Variants in EPS8L1 observed in about 807,000 individuals in gnomAD.
The protein encoded by EPS8L1 is EPS8 signaling adaptor L1, also known as epidermal growth factor receptor kinase substrate 8-like protein 1.
Under a neutral mutation model 91.7 loss-of-function variants are expected in EPS8L1, and 101 were observed. That is an observed-to-expected ratio of 1.10 (90% CI 0.94 to 1.30). The LOEUF is 1.30. EPS8L1 is among the 50% of genes most tolerant of loss of function. The probability of loss-of-function intolerance (pLI) is 0.00; values close to 1 mark genes in which losing one functional copy is unlikely to be tolerated. For synonymous variants in EPS8L1, 506 were observed against 445.3 expected, an observed-to-expected ratio of 1.14 and a Z score of -1.72; for missense variants, 1,114 against 1,017.0, an observed-to-expected ratio of 1.10 and a Z score of -1.30.
chr19:55,080,720 G>C, intron 6 of EPS8L1, 52 bp from the exon 7 acceptor site: 1 of 1,593,054 alleles, frequency 6.3e-7, no homozygotes, highest in Non-Finnish European at 8.6e-7. Context: ...CGAGGCCCGG[G>C]TAGGAAGTGG....
intron 14 of EPS8L1, 190 bp from the exon 15 acceptor site, chr19:55,085,651 C>T: frequency 1.6e-6 from 1 of 617,962 alleles, no homozygotes; most frequent in Non-Finnish European, 2.7e-6. Context: ...GCCTACAGCA[C>T]AATGCCAAGC....
rs762835165 is a variant in EPS8L1 at position 55,083,621 on chromosome 19, C to T, written c.1362C>T (p.Ser454=). The T allele has an allele frequency of 2.5e-6, 4 of 1,595,936 alleles. No homozygotes were observed. The highest frequency in any genetic ancestry group is 3.4e-6 in the Non-Finnish European group (4 of 1,171,880). ...GACTGTCTTACTTCCTACAGCAAAG[C>T]GCCCCCCAGGTCGCTGTCAATGGGT... ...LQHERRRRQQ[S]APQVAVNGHR... The change falls in exon 14 of 20, where the codon AGC becomes AGT. Residue 454 remains serine, a synonymous_variant. Coordinates refer to ENST00000201647, the MANE Select transcript of EPS8L1 (RefSeq NM_133180.3). The surrounding 1 kb of genome is among the most constrained non-coding windows in gnomAD (Gnocchi z 4.7).
In EPS8L1 at chr19:55,081,794, G is replaced by T. The variant is rs1238975024; in HGVS notation, c.796G>T (p.Asp266Tyr). 6.2e-7 allele frequency: 1 copy of T among 1,611,000 alleles called. No homozygotes were observed. ...REVDILNHVF[D>Y]DVESFVSRLQ... ...CTAGGACATCCTGAACCACGTGTTC[G>T]ACGACGTAGAGAGCTTTGTATCGAG... The change falls in exon 9 of 20, where the codon GAC becomes TAC. Residue 266 changes from aspartate to tyrosine, a missense_variant. Coordinates refer to ENST00000201647, the MANE Select transcript of EPS8L1 (RefSeq NM_133180.3). The surrounding 1 kb of genome is among the most constrained non-coding windows in gnomAD (Gnocchi z 4.9).
chr19:55,083,625 C>T lies in EPS8L1; in HGVS notation c.1366C>T (p.Pro456Ser), dbSNP rs1335493568. The change falls in exon 14 of 20, where the codon CCC becomes TCC. Residue 456 changes from proline to serine, a missense_variant. Coordinates refer to ENST00000201647, the MANE Select transcript of EPS8L1 (RefSeq NM_133180.3). The surrounding 1 kb of genome is among the most constrained non-coding windows in gnomAD (Gnocchi z 4.7). ...GTCTTACTTCCTACAGCAAAGCGCCCCCCAGGTCGCTGTCAATGGGTGAGT... is the reference window on the plus strand; with the variant it reads ...GTCTTACTTCCTACAGCAAAGCGCCTCCCAGGTCGCTGTCAATGGGTGAGT... Reference protein sequence around the residue: ...HERRRRQQSAPQVAVNGHRDL... With the variant: ...HERRRRQQSASQVAVNGHRDL... 3.4e-5 allele frequency: 54 copies of T among 1,595,598 alleles called. No individual in the cohort carries two copies. Among genetic ancestry groups the T allele is most frequent in the Non-Finnish European group, 4.5e-5 (53 of 1,171,766 alleles).
chr19:55,085,916 T>C lies in EPS8L1; in HGVS notation c.1461T>C (p.Tyr487=). The C allele has an allele frequency of 1.9e-6, 3 of 1,613,642 alleles. No individual in the cohort carries two copies. The highest frequency in any genetic ancestry group is 2.5e-6 in the Non-Finnish European group (3 of 1,179,828). The change falls in exon 15 of 20, where the codon TAT becomes TAC. Residue 487 remains tyrosine, a synonymous_variant. Transcript: ENST00000201647. The part of the protein sequence containing the change: ...ETAGKWVLCN[Y]DFQARNSSEL... ...CAGGAAAATGGGTCCTGTGTAATTA[T>C]GACTTCCAGGCCCGCAACAGCAGTG...
Position 55,083,514 on chromosome 19 carries a change from C to A in EPS8L1, c.1351C>A (p.Arg451=). The A allele has an allele frequency of 6.2e-7, 1 of 1,609,542 alleles. No individual in the cohort carries two copies. Among genetic ancestry groups the A allele is most frequent in the Non-Finnish European group, 8.5e-7 (1 of 1,178,354 alleles). Residue 451 remains arginine, a synonymous_variant, in exon 13 of 20, where the codon CGG becomes AGG. Coordinates refer to ENST00000201647, the MANE Select transcript of EPS8L1 (RefSeq NM_133180.3). This position sits in a 1 kb window ranked among gnomAD's most constrained non-coding sequence, Gnocchi z 4.7. ...EKQLQHERRR[R]QQSAPQVAVN... Reference sequence around the variant, plus strand: ...ACAGCTACAGCACGAGCGGAGGCGCCGGCAGGTGACCCAAGCGACACAGCA... The same window carrying A: ...ACAGCTACAGCACGAGCGGAGGCGCAGGCAGGTGACCCAAGCGACACAGCA...
In EPS8L1 at chr19:55,083,308, A is replaced by C. The variant is rs1359696492; in HGVS notation, c.1215-70A>C. 4.5e-6 allele frequency: 7 copies of C among 1,566,094 alleles called. No homozygotes were observed. In the Admixed American group the frequency reaches 1.1e-4, roughly 25 times the overall value. On this transcript the variant is annotated intron_variant, in intron 12 of 19. Transcript: ENST00000201647. The surrounding 1 kb of genome is among the most constrained non-coding windows in gnomAD (Gnocchi z 4.7). ...CGAGCTTTAGGGGAAAACTTAGTGAAGTTAATGCAGGAACGAAGTTGGGGG... is the reference window on the plus strand; with the variant it reads ...CGAGCTTTAGGGGAAAACTTAGTGACGTTAATGCAGGAACGAAGTTGGGGG...
At chr19:55,086,663 G>A in intron 17 of EPS8L1, 51 bp from the exon 18 acceptor site, 1 of 979,958 alleles carries the variant, frequency 1.0e-6, no homozygotes, top group Non-Finnish European at 1.5e-6. Context: ...CTGGCCCCAG[G>A]ACCCCTCGCC....
At chr19:55,079,607 C>T in intron 4 of EPS8L1, 83 bp from the exon 5 acceptor site, 1 of 1,510,674 alleles carries the variant, frequency 6.6e-7, no homozygotes, top group Non-Finnish European at 8.9e-7. Flanking sequence ...TAGTCTCAGG[C>T]TGAAAGTCTG....
intron 5 of EPS8L1, 32 bp from the exon 6 acceptor site, chr19:55,080,097 G>T (rs2076221378): frequency 1.4e-6 from 2 of 1,469,672 alleles, no homozygotes; most frequent in Non-Finnish European, 9.0e-7. Context: ...TCATTTCGGG[G>T]CCTCAGTTTA....
chr19:55,083,315 GC>G lies in EPS8L1; in HGVS notation c.1215-62del. Reference sequence around the variant, plus strand: ...TAGGGGAAAACTTAGTGAAGTTAATGCAGGAACGAAGTTGGGGGCTGTATCA... The same window carrying G: ...TAGGGGAAAACTTAGTGAAGTTAATGAGGAACGAAGTTGGGGGCTGTATCA... On this transcript the variant is annotated intron_variant, in intron 12 of 19. Transcript: ENST00000201647. The surrounding 1 kb of genome is among the most constrained non-coding windows in gnomAD (Gnocchi z 4.7). 1 of 1,576,838 alleles carries G rather than the reference GC, an allele frequency of 6.3e-7. No individual in the cohort carries two copies.
chr19:55,086,950 G>A, intron 18 of EPS8L1, 62 bp downstream of exon 18: 13 of 1,399,234 alleles, frequency 9.3e-6, no homozygotes, highest in South Asian at 6.3e-5. Flanking sequence ...GGAGCGTTCC[G>A]ATCGGCCGGG....
At position 55,076,285 on chromosome 19, in the gene EPS8L1, G is replaced by C. The variant is rs767081873; in HGVS notation, c.-37-123G>C. 4.8e-3 allele frequency: 3,713 copies of C among 779,616 alleles called. 26 individuals carry two copies. The highest frequency in any genetic ancestry group is 6.5e-3 in the Non-Finnish European group (3,218 of 496,592). The allele number at this position is 779,616 out of a possible 1,614,324, so 48.3% of individuals were successfully genotyped here. ...GGGTCTGAGGGAGGAGGGGCTGGGG[G>C]CCTGGACTCCTGGGCCTGAGGGAGG... On this transcript the variant is annotated intron_variant, in intron 1 of 19. Coordinates refer to ENST00000201647, the MANE Select transcript of EPS8L1 (RefSeq NM_133180.3).
In EPS8L1 at chr19:55,086,104, C is replaced by A; in HGVS notation, c.1562C>A (p.Ala521Glu). The A allele has an allele frequency of 6.2e-7, 1 of 1,603,112 alleles. No homozygotes were observed. The highest frequency in any genetic ancestry group is 8.5e-7 in the Non-Finnish European group (1 of 1,173,342). ...SRKWWKVRDP[A>E]GQEGYVPYNI... is the part of the protein sequence containing the mutation. ...AAGTGGTGGAAGGTTCGGGACCCAGCGGGGCAGGAGGGATATGTGCCCTAC... is the reference window on the plus strand; with the variant it reads ...AAGTGGTGGAAGGTTCGGGACCCAGAGGGGCAGGAGGGATATGTGCCCTAC... Residue 521 changes from alanine to glutamate, a missense_variant, in exon 16 of 20, where the codon GCG (alanine) becomes GAG (glutamate). Physicochemically the swap from Ala to Glu is moderately radical, Grantham distance 107. Coordinates refer to ENST00000201647, the MANE Select transcript of EPS8L1 (RefSeq NM_133180.3).
In EPS8L1 at chr19:55,079,681, C is replaced by G; in HGVS notation, c.118-9C>G. The stretch of plus-strand genomic sequence containing the variant: ...TGGGCCTCACTGCTTTCTCCATGGT[C>G]CGTACCAGCACCTGGTGACGTTCTG... On this transcript the variant is annotated splice_polypyrimidine_tract_variant and intron_variant, in intron 4 of 19. Transcript: ENST00000201647. 1 of 1,612,336 alleles carries G rather than the reference C, an allele frequency of 6.2e-7. No homozygotes were observed. The highest frequency in any genetic ancestry group is 2.2e-5 in the East Asian group (1 of 44,880).
At position 55,087,286 on chromosome 19, in the gene EPS8L1, G is replaced by GGGCTGCCCTCGCTCA. The variant is rs1192678405; in HGVS notation, c.1953-14_1953dup. ...TCCGCCGACCGGCCTGACCGCGCCC[G>GGGCTGCCCTCGCTCA]GGCTGCCCTCGCTCAGGACCGTGGA... is the stretch of plus-strand genomic sequence containing the variant. On this transcript the variant is annotated splice_polypyrimidine_tract_variant and intron_variant, in intron 18 of 19. Transcript: ENST00000201647. 6.3e-7 allele frequency: 1 copy of GGGCTGCCCTCGCTCA among 1,589,260 alleles called. No individual in the cohort carries two copies. The highest frequency in any genetic ancestry group is 2.3e-5 in the East Asian group (1 of 43,462).
In EPS8L1 at chr19:55,080,128, G is replaced by T; in HGVS notation, c.280-1G>T. ...GTTTACCCCGCCATCCCACCCGGCA[G>T]GAGGAGCTGGAGTCGTACCCACTGG... On this transcript the variant is annotated splice_acceptor_variant, in intron 5 of 19. Transcript: ENST00000201647. LOFTEE classifies it high-confidence loss of function. 1 of 1,485,726 alleles carries T rather than the reference G, an allele frequency of 6.7e-7. No homozygotes were observed. 92.0% of individuals were successfully genotyped at this position (1,485,726 alleles called of 1,614,324 possible). A position where few individuals can be genotyped will look rare whatever the true frequency, so the allele number is the denominator to read the frequency against.
Position 55,081,333 on chromosome 19 carries a change from GGGC to G in EPS8L1, c.617_619del (p.Gly206del). 1 of 1,557,712 alleles carries G rather than the reference GGGC, an allele frequency of 6.4e-7. No individual in the cohort carries two copies. Among genetic ancestry groups the G allele is most frequent in the African/African-American group, 1.3e-5 (1 of 74,198 alleles). Reference sequence around the variant, plus strand: ...GCGCAGTGATCAGCACCGTAGAGCGGGGCGCGGGCCGCGGACGACCCCAGGCGA... The same window carrying G: ...GCGCAGTGATCAGCACCGTAGAGCGGGCGGGCCGCGGACGACCCCAGGCGA... On this transcript the variant is annotated inframe_deletion, in exon 8 of 20. Coordinates refer to ENST00000201647, the MANE Select transcript of EPS8L1 (RefSeq NM_133180.3). This position sits in a 1 kb window ranked among gnomAD's most constrained non-coding sequence, Gnocchi z 4.9.
At chr19:55,079,560 C>A in intron 4 of EPS8L1, 130 bp from the exon 5 acceptor site, 2 of 1,081,552 alleles carry the variant, frequency 1.8e-6, no homozygotes, top group Non-Finnish European at 2.6e-6. Context: ...ATTTGTGGAA[C>A]AGGTGATCAA....
Sources: allele counts gnomAD v4.1 joint callset, GRCh38; gene constraint gnomAD v4.1.1; non-coding constraint Gnocchi (gnomAD v3.1); transcripts MANE v1.5; gene names NCBI Gene and HGNC (gene_info 2026-07-23, HGNC 2026-07-21).